Variants in CPA6 observed in about 807,000 individuals in gnomAD.
CPA6 encodes carboxypeptidase B.
A neutral mutation model predicts 63.3 loss-of-function variants in CPA6; 58 were observed. The ratio of observed to expected loss-of-function variants is 0.92; its 90% CI spans 0.74 to 1.14. The LOEUF (loss-of-function observed/expected upper bound fraction) is 1.14, where lower values mean the gene tolerates loss of function less well. CPA6 is among the 50% of genes most tolerant of loss of function. The probability of loss-of-function intolerance (pLI) is 0.00; values close to 1 mark genes in which losing one functional copy is unlikely to be tolerated. For synonymous variants in CPA6, 185 were observed against 179.0 expected, an observed-to-expected ratio of 1.03 and a Z score of -0.27; for missense variants, 565 against 526.6, an observed-to-expected ratio of 1.07 and a Z score of -0.71.
chr8:67,563,004 T>C (rs549136334), intron 2 of CPA6, among the ~76,000 whole-genome samples: 4 of 152,092 alleles, frequency 2.6e-5, no homozygotes, highest in Non-Finnish European at 5.9e-5. Flanking sequence ...CAAAGGATCG[T>C]AAGCTCTTCC....
intron 1 of CPA6, among the ~76,000 whole-genome samples, chr8:67,630,584 C>T (rs1428425524): frequency 1.3e-5 from 2 of 152,244 alleles, no homozygotes; most frequent in African/African-American, 4.8e-5. Context: ...AGCCCTCGCT[C>T]CCTCTCAGTG....
chr8:67,466,807 G>A (rs985845188), intron 8 of CPA6, among the ~76,000 whole-genome samples: 1 of 152,182 alleles, frequency 6.6e-6, no homozygotes, highest in East Asian at 1.9e-4. Context: ...ACTAGTCCTC[G>A]AATTCTGGCA....
At chr8:67,715,481 G>A (rs1817359016) in intron 1 of CPA6, among the ~76,000 whole-genome samples, 2 of 152,194 alleles carry the variant, frequency 1.3e-5, no homozygotes, top group African/African-American at 2.4e-5. Context: ...ATTTTCCAAT[G>A]TATTCCAGCC....
chr8:67,599,894 T>C (rs1283903790), intron 2 of CPA6, among the ~76,000 whole-genome samples: 1 of 152,154 alleles, frequency 6.6e-6, no homozygotes, highest in Non-Finnish European at 1.5e-5. Flanking sequence ...TACAGTAGTA[T>C]GTCGAGTATA....
rs185776908 is a variant in CPA6 at position 67,432,802 on chromosome 8, G to C, written c.1041+1236C>G. ...AAATGAACAGGTGATAGTATGCAAAGCTCTTTCCTGAGCTCTGTGAGTCAT... is the reference window on the plus strand; with the variant it reads ...AAATGAACAGGTGATAGTATGCAAACCTCTTTCCTGAGCTCTGTGAGTCAT... On this transcript the variant is annotated intron_variant, in intron 9 of 10. Transcript: ENST00000297770. Among the ~76,000 whole-genome samples the C allele has an allele frequency of 2.9e-3, 437 of 152,296 alleles. 1 individual carries two copies. The highest frequency in any genetic ancestry group is 4.3e-3 in the Non-Finnish European group (291 of 68,022).
At chr8:67,422,921 C>T (rs1809800150) in intron 10 of CPA6, among the ~76,000 whole-genome samples, 1 of 152,196 alleles carries the variant, frequency 6.6e-6, no homozygotes, top group Non-Finnish European at 1.5e-5. Flanking sequence ...GAATGCCTTA[C>T]CAGCACGAAG....
At chr8:67,460,466 A>C (rs1269727233) in intron 8 of CPA6, among the ~76,000 whole-genome samples, 1 of 152,248 alleles carries the variant, frequency 6.6e-6, no homozygotes, top group Non-Finnish European at 1.5e-5. Context: ...GCAAATATGA[A>C]TGAATAATAA....
intron 2 of CPA6, among the ~76,000 whole-genome samples, chr8:67,615,432 C>T (rs771452853): frequency 3.3e-5 from 5 of 151,852 alleles, no homozygotes; most frequent in Non-Finnish European, 7.4e-5. Context: ...GTTAGATTCA[C>T]ATTTAACAAA....
At chr8:67,449,576 T>C (rs1050072180) in intron 8 of CPA6, among the ~76,000 whole-genome samples, 2 of 152,184 alleles carry the variant, frequency 1.3e-5, no homozygotes, top group African/African-American at 2.4e-5. Context: ...TTTTATTATA[T>C]TGAGTCGTCC....
At chr8:67,588,631 A>T (rs1278303968) in intron 2 of CPA6, among the ~76,000 whole-genome samples, 2 of 152,320 alleles carry the variant, frequency 1.3e-5, no homozygotes, top group Non-Finnish European at 2.9e-5. Flanking sequence ...ATACTTTAAA[A>T]ATAGCTATAT....
At chr8:67,708,792 G>A (rs1308289515) in intron 1 of CPA6, among the ~76,000 whole-genome samples, 1 of 152,178 alleles carries the variant, frequency 6.6e-6, no homozygotes, top group Non-Finnish European at 1.5e-5. Flanking sequence ...GATTCCCAAA[G>A]AATTGGGTCT....
At chr8:67,514,506 C>T (rs1812103730) in intron 3 of CPA6, among the ~76,000 whole-genome samples, 1 of 152,146 alleles carries the variant, frequency 6.6e-6, no homozygotes, top group Non-Finnish European at 1.5e-5. Flanking sequence ...ATGATCTCTA[C>T]CTACTGGGCC....
intron 1 of CPA6, among the ~76,000 whole-genome samples, chr8:67,642,049 T>A (rs1188234645): frequency 6.6e-6 from 1 of 152,178 alleles, no homozygotes; most frequent in Non-Finnish European, 1.5e-5. Context: ...AGGTCGGGCA[T>A]GGTGGCTCAC....
intron 2 of CPA6, among the ~76,000 whole-genome samples, chr8:67,548,127 CCCTT>C (rs1350274232): frequency 5.1e-5 from 3 of 58,362 alleles, no homozygotes; most frequent in Non-Finnish European, 1.2e-4. Flanking sequence ...CTCCCTCCCT[CCCTT>C]CCTCTCTCTC....
At chr8:67,587,991 G>A (rs1261510179) in intron 2 of CPA6, among the ~76,000 whole-genome samples, 1 of 152,126 alleles carries the variant, frequency 6.6e-6, no homozygotes, top group Non-Finnish European at 1.5e-5. Flanking sequence ...CACTAGCACA[G>A]GGATAAGTGG....
At chr8:67,426,354 GGTTA>G (rs774229400) in intron 10 of CPA6, among the ~76,000 whole-genome samples, 3 of 152,062 alleles carry the variant, frequency 2.0e-5, no homozygotes, top group Non-Finnish European at 4.4e-5. Context: ...AAAGGTAAAT[GGTTA>G]GTAAGATTAA....
intron 2 of CPA6, among the ~76,000 whole-genome samples, chr8:67,552,780 A>G (rs1475027443): frequency 2.9e-4 from 43 of 148,088 alleles, no homozygotes; most frequent in African/African-American, 9.8e-4. Context: ...GTCTCAAAAA[A>G]AAAAAAAAAA....
At chr8:67,473,869 A>T (rs1324085617) in intron 8 of CPA6, among the ~76,000 whole-genome samples, 3 of 152,094 alleles carry the variant, frequency 2.0e-5, no homozygotes, top group Admixed American at 6.5e-5. Flanking sequence ...GGCCTCCCAA[A>T]GTGCTGGGAT....
At chr8:67,576,515 A>G (rs1458334403) in intron 2 of CPA6, among the ~76,000 whole-genome samples, 1 of 152,212 alleles carries the variant, frequency 6.6e-6, no homozygotes, top group African/African-American at 2.4e-5. Context: ...TTAATTTGAC[A>G]TAATTTCTAT....
Sources: gnomAD v4.1 joint callset for allele counts (sites outside exome capture counted in the v4.1 genomes callset) on GRCh38, gnomAD v4.1.1 for gene constraint, MANE v1.5 for transcripts, NCBI Gene and HGNC (gene_info 2026-07-23, HGNC 2026-07-21) for gene names.